MREG: variants seen among roughly 807,000 people sequenced by gnomAD.
MREG encodes the protein melanoregulin.
A neutral mutation model predicts 28.5 loss-of-function variants in MREG; 31 were observed. The observed-to-expected ratio is 1.09, with a 90% CI of 0.82 to 1.47. The LOEUF is 1.47. MREG is among the 40% of genes most tolerant of loss of function. The probability of loss-of-function intolerance (pLI) is 0.00; values close to 1 mark genes in which losing one functional copy is unlikely to be tolerated. For missense variants in MREG, 256 were observed against 257.4 expected (o/e 0.99, Z 0.04); for synonymous variants, 106 against 95.2 (o/e 1.11, Z -0.66).
chr2:215,945,433 C>G (rs766249929), intron 4 of MREG, 138 bp downstream of exon 4: 24 of 1,052,228 alleles, frequency 2.3e-5, no homozygotes, highest in Non-Finnish European at 3.3e-5. Context: ...CACTGGGGAC[C>G]ACAGCATATA....
chr2:215,966,747 G>A (rs1278188966), intron 2 of MREG, among the ~76,000 whole-genome samples: 5 of 152,068 alleles, frequency 3.3e-5, no homozygotes, highest in South Asian at 2.1e-4. Context: ...GATTATAGGC[G>A]TGTGCCACCA....
intron 1 of MREG, among the ~76,000 whole-genome samples, chr2:216,029,194 G>C (rs945914289): frequency 6.6e-6 from 1 of 152,180 alleles, no homozygotes; most frequent in Admixed American, 6.5e-5. Context: ...GAAGGATTGA[G>C]GCTGGCCAGG....
In MREG at chr2:216,006,838, C is replaced by T. The variant is rs568234947; in HGVS notation, c.95+6395G>A. ...TGATTCCCTTTTACATGTTGTGAGC[C>T]CTCCCTTACCCCCACCCTTCTTTCC... On this transcript the variant is annotated intron_variant, in intron 1 of 4. Coordinates refer to ENST00000263268, the MANE Select transcript of MREG (RefSeq NM_018000.3). Among the ~76,000 whole-genome samples the T allele has an allele frequency of 3.3e-5, 5 of 152,240 alleles. No individual in the cohort carries two copies. In the South Asian group the frequency reaches 6.2e-4, roughly 19 times the overall value.
At position 216,008,735 on chromosome 2, in the gene MREG, C is replaced by T. The variant is rs931659266; in HGVS notation, c.95+4498G>A. ...ATTCTAAAAAGGAATTGATCAGGACCTTCGGGTGTGGGCCAAATTCAAAAC... is the reference window on the plus strand; with the variant it reads ...ATTCTAAAAAGGAATTGATCAGGACTTTCGGGTGTGGGCCAAATTCAAAAC... On this transcript the variant is annotated intron_variant, in intron 1 of 4. Transcript: ENST00000263268. Among the ~76,000 whole-genome samples, 2 of 152,224 alleles carry T rather than the reference C, an allele frequency of 1.3e-5. 1 individual carries two copies. The highest frequency in any genetic ancestry group is 1.3e-4 in the Admixed American group (2 of 15,286).
Position 216,013,288 on chromosome 2 carries a change from A to T in MREG, c.40T>A (p.Cys14Ser). The T allele has an allele frequency of 3.2e-6, 5 of 1,541,200 alleles. No individual in the cohort carries two copies. Among genetic ancestry groups the T allele is most frequent in the Non-Finnish European group, 4.4e-6 (5 of 1,139,462 alleles). Residue 14 changes from cysteine to serine, a missense_variant, in exon 1 of 5, where the codon TGC (cysteine) becomes AGC (serine). Transcript: ENST00000263268. ...CGCTCCTCCAAGCACTCGCACCCGCAGCAGCAGCACACGGTTCTCAGCCAG... is the reference window on the plus strand; with the variant it reads ...CGCTCCTCCAAGCACTCGCACCCGCTGCAGCAGCACACGGTTCTCAGCCAG... ...RDWLRTVCCC[C>S]GCECLEERAL...
upstream of MREG, among the ~76,000 whole-genome samples, chr2:216,016,055 C>T (rs897660550): frequency 2.6e-5 from 4 of 152,110 alleles, no homozygotes; most frequent in East Asian, 3.9e-4. Context: ...TGAAAGGCTA[C>T]GAAGGGATAA....
chr2:216,013,108 G>A, intron 1 of MREG, 125 bp downstream of exon 1: 1 of 754,990 alleles, frequency 1.3e-6, no homozygotes, highest in Non-Finnish European at 2.1e-6. Flanking sequence ...GGCTGAGATG[G>A]CGCCTCCGCG....
intron 2 of MREG, among the ~76,000 whole-genome samples, chr2:215,947,492 A>C (rs1574588438): frequency 6.6e-6 from 1 of 152,374 alleles, no homozygotes; most frequent in East Asian, 1.9e-4. Context: ...TGAGCATCTA[A>C]TAAAATCTAT....
At chr2:216,001,419 T>C (rs545998475) in intron 1 of MREG, among the ~76,000 whole-genome samples, 2 of 152,286 alleles carry the variant, frequency 1.3e-5, no homozygotes, top group East Asian at 1.9e-4. Flanking sequence ...GCTGTGCCCC[T>C]GGACCGGCAA....
At chr2:215,991,260 T>A (rs947420423) in intron 2 of MREG, among the ~76,000 whole-genome samples, 1 of 152,158 alleles carries the variant, frequency 6.6e-6, no homozygotes, top group Non-Finnish European at 1.5e-5. Context: ...CAAAACTACA[T>A]GGAAACTGAA....
At chr2:216,006,094 A>G (rs1348942584) in intron 1 of MREG, among the ~76,000 whole-genome samples, 1 of 152,244 alleles carries the variant, frequency 6.6e-6, no homozygotes, top group Non-Finnish European at 1.5e-5. Context: ...TAGGTGGTGT[A>G]GTGATAAAAT....
chr2:215,990,759 A>G (rs578190854), intron 2 of MREG, among the ~76,000 whole-genome samples: 2 of 152,316 alleles, frequency 1.3e-5, no homozygotes, highest in South Asian at 4.1e-4. Context: ...TCTCTGATAA[A>G]ATGGACTTTA....
At chr2:216,016,583 G>A (rs1200775339), upstream of MREG, among the ~76,000 whole-genome samples, 10 of 152,194 alleles carry the variant, frequency 6.6e-5, no homozygotes, top group Non-Finnish European at 1.3e-4. Context: ...TGAAATAGAG[G>A]TGACAAGTCT....
At chr2:216,018,044 T>G (rs1694472474), upstream of MREG, among the ~76,000 whole-genome samples, 1 of 150,590 alleles carries the variant, frequency 6.6e-6, no homozygotes, top group Non-Finnish European at 1.5e-5. Context: ...ATGCCTGTAA[T>G]CCCAGCTACT....
intron 1 of MREG, among the ~76,000 whole-genome samples, chr2:216,005,566 C>T (rs1000291398): frequency 1.4e-5 from 2 of 146,852 alleles, no homozygotes; most frequent in Admixed American, 1.4e-4. Context: ...ATTCTTCTTC[C>T]TCAGCCTCCA....
chr2:216,013,215 C>A lies in MREG; in HGVS notation c.95+18G>T, dbSNP rs773694673. The A allele has an allele frequency of 1.3e-6, 2 of 1,547,416 alleles. No homozygotes were observed. Among genetic ancestry groups the A allele is most frequent in the Non-Finnish European group, 1.7e-6 (2 of 1,145,874 alleles). ...CGGCCCAGGTAAGCCCAGATCCCGG[C>A]CCGGGCGGCGCACCCACCTGACGAG... On this transcript the variant is annotated intron_variant, in intron 1 of 4. Transcript: ENST00000263268.
chr2:216,028,522 C>A (rs1377453448), intron 1 of MREG, among the ~76,000 whole-genome samples: 5 of 103,070 alleles, frequency 4.9e-5, no homozygotes, highest in East Asian at 5.9e-4. Context: ...AGCAAGACTC[C>A]ATCTCAAAAA....
chr2:216,030,129 A>G (rs1694658125), intron 1 of MREG, among the ~76,000 whole-genome samples: 1 of 152,252 alleles, frequency 6.6e-6, no homozygotes, highest in African/African-American at 2.4e-5. Flanking sequence ...GTTCTAAAAT[A>G]CTTATAAATC....
At chr2:216,023,154 TC>T (rs1347811190) in intron 1 of MREG, among the ~76,000 whole-genome samples, 1 of 152,130 alleles carries the variant, frequency 6.6e-6, no homozygotes, top group Non-Finnish European at 1.5e-5. Flanking sequence ...CAGGTGGACC[TC>T]CCCGACAAAG....
Sources: gnomAD v4.1 joint callset for allele counts (sites outside exome capture counted in the v4.1 genomes callset) on GRCh38, gnomAD v4.1.1 for gene constraint, MANE v1.5 for transcripts, NCBI Gene and HGNC (gene_info 2026-07-23, HGNC 2026-07-21) for gene names.